NFATC2: variants seen among roughly 807,000 people sequenced by gnomAD.
NFATC2 encodes the protein nuclear factor of activated T cells 2.
NFATC2 carries 22 observed loss-of-function variants against 87.3 expected under a neutral mutation model. That is an observed-to-expected ratio of 0.25 (90% CI 0.18 to 0.36). The LOEUF (loss-of-function observed/expected upper bound fraction) is 0.36. Ranked by LOEUF, NFATC2 falls within the 10% of genes least tolerant of loss-of-function variation. NFATC2 has a pLI of 1.00. For synonymous variants in NFATC2, 565 were observed against 542.2 expected (o/e 1.04, Z -0.58); for missense variants, 1,149 against 1,259.1 (o/e 0.91, Z 1.32).
At chr20:51,435,559 C>A in intron 7 of NFATC2, 147 bp downstream of exon 7, 1 of 906,414 alleles carries the variant, frequency 1.1e-6, no homozygotes, top group Non-Finnish European at 1.7e-6. Flanking sequence ...AAATGTTGAA[C>A]TCACTCATTA....
At chr20:51,400,409 C>T (rs567841066) in intron 9 of NFATC2, among the ~76,000 whole-genome samples, 4 of 150,636 alleles carry the variant, frequency 2.7e-5, no homozygotes, top group African/African-American at 9.8e-5. Flanking sequence ...ACCCAGAACA[C>T]GAGTTCTCTC....
intron 6 of NFATC2, among the ~76,000 whole-genome samples, chr20:51,448,503 G>T (rs1985361541): frequency 6.6e-6 from 1 of 152,226 alleles, no homozygotes; most frequent in African/African-American, 2.4e-5. Context: ...AATTAGCCAG[G>T]CGTCGTGGCA....
At chr20:51,424,259 C>T (rs955849722) in intron 9 of NFATC2, among the ~76,000 whole-genome samples, 1 of 152,260 alleles carries the variant, frequency 6.6e-6, no homozygotes, top group African/African-American at 2.4e-5. Flanking sequence ...TTTGCTGAAC[C>T]TTTGCTGAAT....
At chr20:51,486,575 G>A (rs1291477979) in intron 3 of NFATC2, among the ~76,000 whole-genome samples, 1 of 151,702 alleles carries the variant, frequency 6.6e-6, no homozygotes, top group East Asian at 1.9e-4. Flanking sequence ...TTATGTGTTT[G>A]CTTATTGCCT....
upstream of NFATC2, among the ~76,000 whole-genome samples, chr20:51,547,597 A>G (rs997779773): frequency 1.1e-4 from 16 of 152,234 alleles, no homozygotes; most frequent in Admixed American, 1.0e-3. Flanking sequence ...TGTATATCCA[A>G]TGACGACCCA....
At chr20:51,465,416 C>T (rs1987587119) in intron 5 of NFATC2, among the ~76,000 whole-genome samples, 1 of 152,092 alleles carries the variant, frequency 6.6e-6, no homozygotes, top group Non-Finnish European at 1.5e-5. Context: ...TCATGTCAAC[C>T]TCCTACTTGG....
At chr20:51,400,121 C>T (rs2146234980) in intron 9 of NFATC2, among the ~76,000 whole-genome samples, 1 of 152,054 alleles carries the variant, frequency 6.6e-6, no homozygotes, top group South Asian at 2.1e-4. Flanking sequence ...TCTGGATTTA[C>T]CCCAGGTAGC....
chr20:51,418,573 T>C (rs1980374586), intron 9 of NFATC2, among the ~76,000 whole-genome samples: 1 of 152,212 alleles, frequency 6.6e-6, no homozygotes, highest in Admixed American at 6.5e-5. Context: ...GAGAGGAGTT[T>C]CCTGAATTTG....
At chr20:51,456,483 G>A (rs1031128694) in intron 5 of NFATC2, among the ~76,000 whole-genome samples, 1 of 152,196 alleles carries the variant, frequency 6.6e-6, no homozygotes, top group Non-Finnish European at 1.5e-5. Context: ...TAACTAGCCA[G>A]CCACCTATTC....
chr20:51,427,426 A>G (rs6126227), intron 9 of NFATC2, among the ~76,000 whole-genome samples: 81,239 of 151,950 alleles, frequency 0.53, 23,297 homozygotes, highest in South Asian at 0.64. Context: ...GGGCAATTCC[A>G]GTTGCATTTT....
At chr20:51,513,105 CT>C (rs1296040083) in intron 3 of NFATC2, among the ~76,000 whole-genome samples, 11 of 152,012 alleles carry the variant, frequency 7.2e-5, no homozygotes, top group African/African-American at 2.4e-4. Context: ...ATTCAAATGA[CT>C]TTTTAAAAAG....
At chr20:51,416,119 G>A (rs1017068870) in intron 9 of NFATC2, among the ~76,000 whole-genome samples, 8 of 152,076 alleles carry the variant, frequency 5.3e-5, no homozygotes, top group Non-Finnish European at 1.0e-4. Context: ...AAAATTATCC[G>A]GACATGGTGG....
intron 9 of NFATC2, among the ~76,000 whole-genome samples, chr20:51,401,508 G>A (rs773350478): frequency 6.6e-6 from 1 of 152,188 alleles, no homozygotes; most frequent in Admixed American, 6.5e-5. Flanking sequence ...TAAATGGGAG[G>A]TAAGTCCATT....
chr20:51,387,558 G>T lies in NFATC2; in HGVS notation c.*3938C>A, dbSNP rs953423094. 2 of 152,206 alleles carry T rather than the reference G, an allele frequency of 1.3e-5. No individual in the cohort carries two copies. The highest frequency in any genetic ancestry group is 4.8e-5 in the African/African-American group (2 of 41,440). The allele number at this position is 152,206 out of a possible 1,614,324, so 9.4% of individuals were successfully genotyped here. A position where few individuals can be genotyped will look rare whatever the true frequency, so the allele number is the denominator to read the frequency against. On this transcript the variant is annotated 3_prime_UTR_variant, in exon 11 of 11. Transcript: ENST00000371564. ...GCACTCACAAAAGCTGAGGGAAATGGATGTTTATGATCACAATTTTATAGG... is the reference window on the plus strand; with the variant it reads ...GCACTCACAAAAGCTGAGGGAAATGTATGTTTATGATCACAATTTTATAGG...
At chr20:51,497,617 C>A (rs928871164) in intron 3 of NFATC2, among the ~76,000 whole-genome samples, 1 of 152,186 alleles carries the variant, frequency 6.6e-6, no homozygotes, top group African/African-American at 2.4e-5. Flanking sequence ...TGAGCCCAGC[C>A]TCTGCAGCCA....
chr20:51,523,151 C>T lies in NFATC2; in HGVS notation c.1090G>A (p.Ala364Thr), dbSNP rs776013920. Residue 364 changes from alanine (A) to threonine (T), a missense_variant, in exon 2 of 11, where the codon GCT (alanine) becomes ACT (threonine). Around this residue, in one of 3 missense-constraint regions of NFATC2, gnomAD observed 563 missense variants for 585.2 expected, o/e 0.96. Transcript: ENST00000371564. This position sits in a 1 kb window ranked among gnomAD's most constrained non-coding sequence, Gnocchi z 6.9. Reference sequence around the variant, plus strand: ...GGAACCAGCAGGATGGATTCTGGAGCCGAGTTTCTCCTCTCGCCCTGCTCG... The same window carrying T: ...GGAACCAGCAGGATGGATTCTGGAGTCGAGTTTCTCCTCTCGCCCTGCTCG... Reference protein sequence around the residue: ...PCEQGERRNSAPESILLVPPT... With the variant: ...PCEQGERRNSTPESILLVPPT... 10 of 1,614,130 alleles carry T rather than the reference C, an allele frequency of 6.2e-6. No homozygotes were observed. The East Asian group carries it at 1.3e-4, about 22-fold the overall frequency.
Position 51,473,992 on chromosome 20 carries a change from G to T in NFATC2, c.1696C>A (p.Pro566Thr), listed in dbSNP as rs1176419543. ...RIVSLQTASN[P>T]IECSQRSAHE... ...GGGCCCAACTTACAGCACTCGATGG[G>T]GTTAGATGCAGTCTGTAAAGAGACG... Residue 566 changes from proline (P) to threonine (T), a missense_variant, in exon 5 of 11, where the codon CCC (proline) becomes ACC (threonine). Pro to Thr is a conservative substitution (Grantham distance 38). Transcript: ENST00000371564. The T allele has an allele frequency of 1.2e-6, 2 of 1,614,178 alleles. No individual in the cohort carries two copies. The highest frequency in any genetic ancestry group is 2.7e-5 in the African/African-American group (2 of 75,056).
chr20:51,450,840 G>T (rs1985677908), intron 6 of NFATC2, among the ~76,000 whole-genome samples: 2 of 152,166 alleles, frequency 1.3e-5, no homozygotes, highest in Admixed American at 1.3e-4. Context: ...GCTGAAACAG[G>T]CTCTGTGTTT....
chr20:51,476,046 GAGA>G (rs1353337098), intron 3 of NFATC2, among the ~76,000 whole-genome samples: 1 of 150,544 alleles, frequency 6.6e-6, no homozygotes, highest in East Asian at 1.9e-4. Context: ...GTGATTGCCT[GAGA>G]AGATCAGAAG....
Sources: allele counts gnomAD v4.1 joint callset (sites outside exome capture counted in the v4.1 genomes callset), GRCh38; gene constraint gnomAD v4.1.1; regional missense constraint gnomAD v4.1.1; non-coding constraint Gnocchi (gnomAD v3.1); transcripts MANE v1.5; gene names NCBI Gene and HGNC (gene_info 2026-07-23, HGNC 2026-07-21).